The following GLCCI1 variants were observed in gnomAD, a reference collection of about 807,000 sequenced individuals.
GLCCI1 encodes the protein glucocorticoid induced 1, also known as glucocorticoid-induced transcript 1 protein.
In GLCCI1, 24 loss-of-function variants were observed where a neutral mutation model predicts 52.2. The ratio of observed to expected loss-of-function variants is 0.46; its 90% CI spans 0.33 to 0.65. GLCCI1 has a LOEUF of 0.65. Ranked by LOEUF, GLCCI1 falls within the 30% of genes least tolerant of loss-of-function variation. The probability of loss-of-function intolerance (pLI) is 0.02; values close to 1 mark genes in which losing one functional copy is unlikely to be tolerated. For missense variants in GLCCI1, 704 were observed against 701.5 expected (o/e 1.00, Z -0.04); for synonymous variants, 310 against 276.5 (o/e 1.12, Z -1.20).
intron 1 of GLCCI1, chr7:7,980,188 C>G (rs1390104346): frequency 6.6e-6 from 1 of 152,658 alleles, no homozygotes; most frequent in African/African-American, 2.4e-5. Flanking sequence ...AGCCACTGGA[C>G]CTGGCCCTAT....
At chr7:8,075,140 TATCAATGTGCATC>T (rs1782849599) in intron 6 of GLCCI1, among the ~76,000 whole-genome samples, 1 of 152,244 alleles carries the variant, frequency 6.6e-6, no homozygotes, top group Non-Finnish European at 1.5e-5. Context: ...AATTTTGTAT[TATCAATGTGCATC>T]GCACATTGGT....
In GLCCI1 at chr7:8,060,108, A is replaced by G. The variant is rs1430683348; in HGVS notation, c.826A>G (p.Arg276Gly). 1.2e-6 allele frequency: 2 copies of G among 1,611,998 alleles called. No individual in the cohort carries two copies. The highest frequency in any genetic ancestry group is 1.7e-6 in the Non-Finnish European group (2 of 1,179,286). Reference sequence around the variant, plus strand: ...TCTTATCTCATAGGCTACTGGATCAAGGTCAGTTCCTATGCCACTGTCAAA... The same window carrying G: ...TCTTATCTCATAGGCTACTGGATCAGGGTCAGTTCCTATGCCACTGTCAAA... The part of the protein sequence containing the change: ...TISHTQATGS[R>G]SVPMPLSNIS... Residue 276 changes from arginine (R) to glycine (G), a missense_variant, in exon 5 of 8, where the codon AGG becomes GGG. By Grantham distance (125) the Arg-to-Gly change is moderately radical. Around this residue, in one of 3 missense-constraint regions of GLCCI1, gnomAD observed 547 missense variants for 524.8 expected, o/e 1.04. Transcript: ENST00000223145.
intron 2 of GLCCI1, among the ~76,000 whole-genome samples, chr7:8,010,033 C>G (rs1209974411): frequency 1.3e-5 from 2 of 151,472 alleles, no homozygotes; most frequent in African/African-American, 4.9e-5. Flanking sequence ...GTTTATTTTC[C>G]TGTTATACCT....
intron 1 of GLCCI1, among the ~76,000 whole-genome samples, chr7:7,974,789 T>G (rs571072515): frequency 1.4e-4 from 21 of 152,286 alleles, no homozygotes; most frequent in Admixed American, 1.3e-3. Context: ...TAGTTTGGTC[T>G]TTTCTCCAGA....
chr7:8,081,495 A>T (rs942769090), intron 6 of GLCCI1, among the ~76,000 whole-genome samples: 1 of 152,180 alleles, frequency 6.6e-6, no homozygotes, highest in African/African-American at 2.4e-5. Context: ...TGATATATAT[A>T]TTTTTGAGAC....
At chr7:8,081,745 T>A (rs1472842722) in intron 6 of GLCCI1, among the ~76,000 whole-genome samples, 1 of 152,226 alleles carries the variant, frequency 6.6e-6, no homozygotes, top group Non-Finnish European at 1.5e-5. Flanking sequence ...TAAAAGTATT[T>A]CAGAAGCTAC....
intron 3 of GLCCI1, among the ~76,000 whole-genome samples, chr7:8,029,800 T>C (rs937672478): frequency 3.3e-5 from 5 of 151,958 alleles, no homozygotes; most frequent in Admixed American, 1.3e-4. Context: ...GTCATCCCAT[T>C]TACAATAGAC....
chr7:7,994,042 A>G (rs965842090), intron 1 of GLCCI1, among the ~76,000 whole-genome samples: 15 of 152,282 alleles, frequency 9.9e-5, no homozygotes, highest in African/African-American at 3.6e-4. Flanking sequence ...GTATTGCTAT[A>G]ACAGTGTCAC....
intron 6 of GLCCI1, among the ~76,000 whole-genome samples, chr7:8,082,356 A>G (rs1310550037): frequency 4.6e-5 from 7 of 152,154 alleles, no homozygotes; most frequent in Non-Finnish European, 7.4e-5. Context: ...ATGAATGGCA[A>G]TTCCTTTAAT....
intron 1 of GLCCI1, among the ~76,000 whole-genome samples, chr7:7,979,117 A>G (rs1195357933): frequency 2.0e-5 from 3 of 152,214 alleles, no homozygotes; most frequent in African/African-American, 7.2e-5. Context: ...TGCTAAATGC[A>G]GTTTCATTAG....
intron 3 of GLCCI1, chr7:8,024,759 G>A (rs1781574699): frequency 6.6e-6 from 1 of 152,200 alleles, no homozygotes; most frequent in Non-Finnish European, 1.5e-5. Context: ...ACAACTGTTT[G>A]AGTACTTTAC....
At position 8,002,757 on chromosome 7, in the gene GLCCI1, A is replaced by G. The variant is rs561515294; in HGVS notation, c.458-1151A>G. Among the ~76,000 whole-genome samples the G allele has an allele frequency of 3.9e-5, 6 of 152,338 alleles. No homozygotes were observed. In the East Asian group the frequency reaches 9.6e-4, roughly 24 times the overall value. On this transcript the variant is annotated intron_variant, in intron 1 of 7. Coordinates refer to ENST00000223145, the MANE Select transcript of GLCCI1 (RefSeq NM_138426.4). ...ACCTGTAAATCTGTTGGATTCTATC[A>G]CAGAATGCACATTAGTAGTAAATTA... is the stretch of plus-strand genomic sequence containing the variant.
chr7:7,982,163 G>A, intron 1 of GLCCI1: 1 of 321,886 alleles, frequency 3.1e-6, no homozygotes, highest in Non-Finnish European at 6.2e-6. Context: ...AAAGAGAAAG[G>A]AGTAAAAAGA....
At chr7:8,020,906 G>T (rs1298942418) in intron 2 of GLCCI1, among the ~76,000 whole-genome samples, 1 of 152,088 alleles carries the variant, frequency 6.6e-6, no homozygotes, top group Non-Finnish European at 1.5e-5. Flanking sequence ...TTCAGAGTAC[G>T]TCATCTTATC....
intron 1 of GLCCI1, among the ~76,000 whole-genome samples, chr7:7,983,769 C>A (rs1780669232): frequency 6.6e-6 from 1 of 152,124 alleles, no homozygotes; most frequent in Non-Finnish European, 1.5e-5. Context: ...ATTTGTGTTG[C>A]CCATTTTGTA....
At chr7:7,977,419 G>C (rs1320682818) in intron 1 of GLCCI1, among the ~76,000 whole-genome samples, 1 of 152,184 alleles carries the variant, frequency 6.6e-6, no homozygotes, top group Admixed American at 6.5e-5. Flanking sequence ...ACTGGTCCTT[G>C]ATAGTATAAC....
intron 5 of GLCCI1, among the ~76,000 whole-genome samples, chr7:8,060,888 C>G (rs2127960843): frequency 6.6e-6 from 1 of 152,256 alleles, no homozygotes; most frequent in Middle Eastern, 3.4e-3. Context: ...TTTTGAGGAA[C>G]TGCCAGACTC....
intron 3 of GLCCI1, among the ~76,000 whole-genome samples, chr7:8,033,729 T>A (rs4725056): frequency 0.62 from 94,887 of 151,980 alleles, 30,368 homozygotes; most frequent in African/African-American, 0.77. Context: ...GGATGAAATT[T>A]ATAAGGATTT....
chr7:7,981,294 C>G (rs1780612699), intron 1 of GLCCI1: 1 of 246,612 alleles, frequency 4.1e-6, no homozygotes, highest in African/African-American at 2.4e-5. Flanking sequence ...CTCTCTCCCT[C>G]TTTCTCTCTT....
Sources: gnomAD v4.1 joint callset for allele counts (sites outside exome capture counted in the v4.1 genomes callset) on GRCh38, gnomAD v4.1.1 for gene constraint, gnomAD v4.1.1 regional missense constraint, MANE v1.5 for transcripts, NCBI Gene and HGNC (gene_info 2026-07-23, HGNC 2026-07-21) for gene names.